Variants in CEP152 observed in about 807,000 individuals in gnomAD.
CEP152 encodes the protein centrosomal protein of 152 kDa.
CEP152 carries 132 observed loss-of-function variants against 188.9 expected under a neutral mutation model. The ratio of observed to expected loss-of-function variants is 0.70; its 90% CI spans 0.61 to 0.81. CEP152 has a LOEUF of 0.81. Ranked by LOEUF, CEP152 falls within the 30% of genes least tolerant of loss-of-function variation. The probability of loss-of-function intolerance (pLI) is 0.00; values close to 1 mark genes in which losing one functional copy is unlikely to be tolerated. For missense variants in CEP152, 1,914 were observed against 1,969.8 expected (o/e 0.97, Z 0.54); for synonymous variants, 649 against 666.6 (o/e 0.97, Z 0.41).
chr15:48,789,748 A>C (rs1896890365), intron 8 of CEP152, among the ~76,000 whole-genome samples: 1 of 152,208 alleles, frequency 6.6e-6, no homozygotes, highest in South Asian at 2.1e-4. Context: ...ATGGGCCACA[A>C]GCTAAGGAAC....
chr15:48,771,781 G>C (rs560509757), intron 13 of CEP152, among the ~76,000 whole-genome samples: 1 of 152,132 alleles, frequency 6.6e-6, no homozygotes, highest in Non-Finnish European at 1.5e-5. Flanking sequence ...GCTTAGCCTG[G>C]CCTACCTTAA....
At chr15:48,762,344 G>A (rs2140714425) in intron 18 of CEP152, 47 bp downstream of exon 18, 2 of 1,532,132 alleles carry the variant, frequency 1.3e-6, no homozygotes, top group East Asian at 2.3e-5. Flanking sequence ...TTTTCATTAA[G>A]AGACAGGCAG....
downstream of CEP152, among the ~76,000 whole-genome samples, chr15:48,733,075 T>C (rs1327692742): frequency 6.6e-6 from 1 of 152,098 alleles, no homozygotes; most frequent in African/African-American, 2.4e-5. Flanking sequence ...CAGAGTGATA[T>C]ACTGTCTTAA....
downstream of CEP152, among the ~76,000 whole-genome samples, chr15:48,733,147 T>C (rs1892482721): frequency 1.3e-5 from 2 of 152,136 alleles, no homozygotes; most frequent in Non-Finnish European, 2.9e-5. Flanking sequence ...CACTCTAGTA[T>C]AGTAGGGTAA....
downstream of CEP152, among the ~76,000 whole-genome samples, chr15:48,736,969 G>GGAGC (rs1489563641): frequency 6.6e-6 from 1 of 152,168 alleles, no homozygotes; most frequent in Non-Finnish European, 1.5e-5. Context: ...TGTTGGAGAA[G>GGAGC]GAGCATTGTA....
At chr15:48,737,619 G>C (rs1892668826), downstream of CEP152, among the ~76,000 whole-genome samples, 2 of 152,132 alleles carry the variant, frequency 1.3e-5, no homozygotes, top group South Asian at 2.1e-4. Context: ...TGTCACAGAT[G>C]ATCTGAAATA....
Position 48,767,313 on chromosome 15 carries a change from C to T in CEP152, c.2147+22G>A, listed in dbSNP as rs557943949. Reference sequence around the variant, plus strand: ...AATGTAGTCTCTACAGCTTAAAAGGCAGCTAAACTCTTTATTCTCACCTCA... The same window carrying T: ...AATGTAGTCTCTACAGCTTAAAAGGTAGCTAAACTCTTTATTCTCACCTCA... On this transcript the variant is annotated intron_variant, in intron 16 of 26. Coordinates refer to ENST00000380950, the MANE Select transcript of CEP152 (RefSeq NM_001194998.2). 3.1e-6 allele frequency: 5 copies of T among 1,614,132 alleles called. No homozygotes were observed. In the African/African-American group the frequency reaches 6.7e-5, roughly 22 times the overall value.
intron 17 of CEP152, among the ~76,000 whole-genome samples, chr15:48,764,976 T>A (rs1386462550): frequency 2.6e-5 from 4 of 151,432 alleles, no homozygotes; most frequent in African/African-American, 7.3e-5. Flanking sequence ...CTCCCATGTA[T>A]GTGAAACATT....
Position 48,738,954 on chromosome 15 carries a change from G to A in CEP152, c.4428C>T (p.His1476=). ...TATCACTGAGTAGGTCTTTCTTCTT[G>A]TGCAAACCAAAGCCTCCTTCACCTT... is the stretch of plus-strand genomic sequence containing the variant. The part of the protein sequence containing the change: ...PCEGEGGFGL[H]KKKDLLSDNG... Residue 1476 remains histidine, a synonymous_variant, in exon 27 of 27, where the codon CAC becomes CAT. Transcript: ENST00000380950. 6.2e-7 allele frequency: 1 copy of A among 1,613,918 alleles called. No individual in the cohort carries two copies. Among genetic ancestry groups the A allele is most frequent in the Non-Finnish European group, 8.5e-7 (1 of 1,179,898 alleles).
chr15:48,782,275 A>G, intron 10 of CEP152, 45 bp from the exon 11 acceptor site: 1 of 1,530,886 alleles, frequency 6.5e-7, no homozygotes, highest in Non-Finnish European at 9.0e-7. Flanking sequence ...AATTAAGGGG[A>G]CAAAGTGCTT....
At chr15:48,777,122 C>G (rs963598421) in intron 12 of CEP152, among the ~76,000 whole-genome samples, 3 of 151,556 alleles carry the variant, frequency 2.0e-5, no homozygotes, top group African/African-American at 7.3e-5. Context: ...AACATGACCC[C>G]TAAATGTAAT....
chr15:48,759,938 T>C (rs984084154), intron 19 of CEP152, among the ~76,000 whole-genome samples, 197 bp downstream of exon 19: 2 of 152,230 alleles, frequency 1.3e-5, no homozygotes, highest in African/African-American at 4.8e-5. Context: ...GTTATCCTCA[T>C]AGGAAAATAC....
chr15:48,730,860 C>T (rs1051163716), intron 2 of CEP152, among the ~76,000 whole-genome samples: 1 of 152,144 alleles, frequency 6.6e-6, no homozygotes, highest in African/African-American at 2.4e-5. Context: ...AATAAACCAG[C>T]AATAACAACC....
At chr15:48,759,177 T>C (rs1566990041) in intron 19 of CEP152, among the ~76,000 whole-genome samples, 3 of 152,184 alleles carry the variant, frequency 2.0e-5, no homozygotes, top group Non-Finnish European at 4.4e-5. Flanking sequence ...TTCAACCTAT[T>C]ACTTTATCTT....
chr15:48,797,346 T>C lies in CEP152; in HGVS notation c.495A>G (p.Ala165=). ...NGQKQEFNNQ[A]TNVIKFSDPQ... ...GATCTGAAAATTTAATTACATTGGT[T>C]GCTTGGTTATTAAATTCCTGCTTCT... The change falls in exon 5 of 27, where the codon GCA becomes GCG. Residue 165 remains alanine, a synonymous_variant. Transcript: ENST00000380950. 2 of 1,614,100 alleles carry C rather than the reference T, an allele frequency of 1.2e-6. No individual in the cohort carries two copies. Among genetic ancestry groups the C allele is most frequent in the Non-Finnish European group, 1.7e-6 (2 of 1,179,990 alleles).
Position 48,739,062 on chromosome 15 carries a change from A to C in CEP152, c.4320T>G (p.His1440Gln), listed in dbSNP as rs372379014. The C allele has an allele frequency of 6.2e-7, 1 of 1,614,002 alleles. No homozygotes were observed. Among genetic ancestry groups the C allele is most frequent in the African/African-American group, 1.3e-5 (1 of 74,918 alleles). ...TACCATCCCCAAACTGGAATTCCAAATGTGTCTCTTTGGATCCCACATGCT... is the reference window on the plus strand; with the variant it reads ...TACCATCCCCAAACTGGAATTCCAACTGTGTCTCTTTGGATCCCACATGCT... Reference protein sequence around the residue: ...SIKHVGSKETHLEFQFGDGSC... With the variant: ...SIKHVGSKETQLEFQFGDGSC... Residue 1440 changes from histidine (H) to glutamine (Q), a missense_variant, in exon 27 of 27, where the codon CAT becomes CAG. Transcript: ENST00000380950.
chr15:48,784,904 G>A (rs1896522707), intron 9 of CEP152, among the ~76,000 whole-genome samples: 1 of 152,106 alleles, frequency 6.6e-6, no homozygotes, highest in Admixed American at 6.5e-5. Flanking sequence ...ATAAACCACG[G>A]GAGTCCTGAG....
intron 19 of CEP152, among the ~76,000 whole-genome samples, chr15:48,757,264 G>T (rs568099889): frequency 2.0e-5 from 3 of 152,168 alleles, no homozygotes; most frequent in African/African-American, 7.2e-5. Context: ...ACCAGCTGAA[G>T]AACTAAAGGC....
At chr15:48,772,276 T>C (rs1224679383) in intron 13 of CEP152, among the ~76,000 whole-genome samples, 1 of 152,024 alleles carries the variant, frequency 6.6e-6, no homozygotes, top group African/African-American at 2.4e-5. Context: ...CCAGGCATAG[T>C]GGCGTGCGCC....
Sources: allele counts gnomAD v4.1 joint callset (sites outside exome capture counted in the v4.1 genomes callset), GRCh38; gene constraint gnomAD v4.1.1; transcripts MANE v1.5; gene names NCBI Gene and HGNC (gene_info 2026-07-23, HGNC 2026-07-21).